The following GYG2 variants were observed in gnomAD, a reference collection of about 807,000 sequenced individuals.
GYG2 encodes glycogenin-2.
GYG2 carries 29 observed loss-of-function variants against 29.4 expected under a neutral mutation model. The observed-to-expected ratio is 0.99, with a 90% CI of 0.74 to 1.35. The LOEUF is 1.35. GYG2 is among the 40% of genes most tolerant of loss of function. GYG2 has a pLI of 0.00. For missense variants in GYG2, 370 were observed against 385.7 expected (o/e 0.96, Z 0.34); for synonymous variants, 167 against 172.3 (o/e 0.97, Z 0.24).
At chrX:2,861,762 C>T in intron 8 of GYG2, 40 bp downstream of exon 8, 1 of 1,033,010 alleles carries the variant, frequency 9.7e-7, no homozygotes, top group Non-Finnish European at 1.3e-6. Flanking sequence ...TAGTCAGACG[C>T]TGGCTCGCAG....
At position 2,859,896 on chromosome X, in the gene GYG2, A is replaced by T; in HGVS notation, c.668A>T (p.Asn223Ile). 2.5e-6 allele frequency: 3 copies of T among 1,206,154 alleles called. No homozygotes were observed. The highest frequency in any genetic ancestry group is 3.4e-6 in the Non-Finnish European group (3 of 890,957). Residue 223 changes from asparagine (N) to isoleucine (I), a missense_variant, in exon 7 of 11, where the codon AAC becomes ATC. Transcript: ENST00000398806. ...TTTTTGGGGTCCATGAAACCTTGGAACTACAAGTACAATCCACAGAGTGGC... is the reference window on the plus strand; with the variant it reads ...TTTTTGGGGTCCATGAAACCTTGGATCTACAAGTACAATCCACAGAGTGGC... ...VHFLGSMKPW[N>I]YKYNPQSGSV...
At chrX:2,834,734 C>T (rs748290980) in intron 2 of GYG2, among the ~76,000 whole-genome samples, 2 of 111,914 alleles carry the variant, frequency 1.8e-5, no homozygotes, top group African/African-American at 6.5e-5. Context: ...TGTCTTCTGC[C>T]TCCAGCTTCA....
At position 2,829,966 on chromosome X, in the gene GYG2, G is replaced by A; in HGVS notation, c.-128-95G>A. The A allele has an allele frequency of 1.2e-5, 5 of 417,101 alleles. No individual in the cohort carries two copies. The South Asian group carries it at 1.5e-4, about 12-fold the overall frequency. The allele number at this position is 417,101 out of a possible 1,213,427, so 34.4% of individuals were successfully genotyped here. A position where few individuals can be genotyped will look rare whatever the true frequency, so the allele number is the denominator to read the frequency against. On this transcript the variant is annotated intron_variant, in intron 1 of 10. Coordinates refer to ENST00000398806, the MANE Select transcript of GYG2 (RefSeq NM_001079855.2). ...GCATCGGGGGAGGCAGGGGCCCCGT[G>A]GGGCGCAGGTGACATGGAGTGGGTA... is the stretch of plus-strand genomic sequence containing the variant.
chrX:2,832,244 TC>T (rs1274255307), intron 2 of GYG2, among the ~76,000 whole-genome samples: 3 of 112,421 alleles, frequency 2.7e-5, no homozygotes, highest in African/African-American at 9.7e-5. Context: ...ACATTTTTGT[TC>T]CAAAGCAAAA....
At chrX:2,880,971 CTACACTGGA>C (rs773092854) in intron 10 of GYG2, 72 bp from the exon 11 acceptor site, 2 of 895,263 alleles carry the variant, frequency 2.2e-6, no homozygotes, top group Admixed American at 5.1e-5. Context: ...CTGCGGGACC[CTACACTGGA>C]TGGGTTTTAG....
chrX:2,877,933 G>A, intron 10 of GYG2: 1 of 749,228 alleles, frequency 1.3e-6, no homozygotes, highest in Non-Finnish European at 1.6e-6. Flanking sequence ...TTGAACGCAT[G>A]TTTAGAGTGT....
chrX:2,851,661 G>A (rs1238029188), intron 3 of GYG2, among the ~76,000 whole-genome samples: 1 of 112,232 alleles, frequency 8.9e-6, no homozygotes, highest in Non-Finnish European at 1.9e-5. Flanking sequence ...AGTGCATGAT[G>A]TCTGTATGTC....
chrX:2,875,629 GAGA>G (rs1350769014), intron 8 of GYG2, among the ~76,000 whole-genome samples, 178 bp from the exon 9 acceptor site: 1 of 109,195 alleles, frequency 9.2e-6, no homozygotes, highest in Non-Finnish European at 1.9e-5. Flanking sequence ...ACATTAGCCC[GAGA>G]AGAAGAAGAA....
In GYG2 at chrX:2,861,598, C is replaced by T. The variant is rs776930439; in HGVS notation, c.914C>T (p.Pro305Leu). 6 of 1,206,324 alleles carry T rather than the reference C, an allele frequency of 5.0e-6. No homozygotes were observed. The highest frequency in any genetic ancestry group is 6.7e-6 in the Non-Finnish European group (6 of 891,461). Residue 305 changes from proline to leucine, a missense_variant, in exon 8 of 11, where the codon CCC (proline) becomes CTC (leucine). By Grantham distance (98) the Pro-to-Leu change is moderately conservative. Coordinates refer to ENST00000398806, the MANE Select transcript of GYG2 (RefSeq NM_001079855.2). ...GVGEPCENST[P>L]SAGVPCANSP... Reference sequence around the variant, plus strand: ...GGAGAGCCGTGTGAAAATTCAACACCCAGTGCGGGCGTGCCGTGTGCAAAT... The same window carrying T: ...GGAGAGCCGTGTGAAAATTCAACACTCAGTGCGGGCGTGCCGTGTGCAAAT...
At chrX:2,869,444 G>A (rs186282195) in intron 8 of GYG2, among the ~76,000 whole-genome samples, 227 of 111,229 alleles carry the variant, frequency 2.0e-3, no homozygotes, top group Non-Finnish European at 3.6e-3. Flanking sequence ...AATGAGTCGT[G>A]CAACATCACT....
intron 6 of GYG2, among the ~76,000 whole-genome samples, chrX:2,858,240 C>G (rs752376197): frequency 2.5e-3 from 270 of 109,396 alleles, no homozygotes; most frequent in African/African-American, 8.4e-3. Flanking sequence ...GTGGGCGGAT[C>G]ACTTGAGCTC....
At chrX:2,869,081 A>G (rs1011207971) in intron 8 of GYG2, among the ~76,000 whole-genome samples, 6 of 110,575 alleles carry the variant, frequency 5.4e-5, no homozygotes, top group African/African-American at 1.6e-4. Context: ...CTCCGCATCT[A>G]TGGGTTCCAT....
chrX:2,870,144 G>C (rs746154747), intron 8 of GYG2, among the ~76,000 whole-genome samples: 2 of 108,223 alleles, frequency 1.8e-5, no homozygotes, highest in South Asian at 8.0e-4. Flanking sequence ...TCTTTTTGTA[G>C]TGCATCTTAT....
Position 2,881,472 on chromosome X carries a change from A to G in GYG2, c.*259A>G. The G allele has an allele frequency of 6.8e-6, 2 of 295,180 alleles. No individual in the cohort carries two copies. Among genetic ancestry groups the G allele is most frequent in the Non-Finnish European group, 1.2e-5 (2 of 170,059 alleles). 24.3% of individuals were successfully genotyped at this position (295,180 alleles called of 1,213,427 possible). On this transcript the variant is annotated 3_prime_UTR_variant, in exon 11 of 11. Coordinates refer to ENST00000398806, the MANE Select transcript of GYG2 (RefSeq NM_001079855.2). ...TTCTACCCTTGAAGCTGTCGGCAAA[A>G]GCGAGCAGTAATAACATTCTAGTAG... is the stretch of plus-strand genomic sequence containing the variant.
intron 10 of GYG2, chrX:2,877,993 A>T: frequency 1.3e-6 from 1 of 752,927 alleles, no homozygotes; most frequent in Non-Finnish European, 1.6e-6. Context: ...CCCTTGGAGA[A>T]AATGTGAACT....
In GYG2 at chrX:2,856,571, C is replaced by T; in HGVS notation, c.561C>T (p.Phe187=). 8.3e-6 allele frequency: 10 copies of T among 1,202,632 alleles called. No individual in the cohort carries two copies. Among genetic ancestry groups the T allele is most frequent in the Non-Finnish European group, 1.1e-5 (10 of 887,761 alleles). ...STTDIHKHLP[F]IYNLSSNTMY... The stretch of plus-strand genomic sequence containing the variant: ...CAGACATCCACAAGCACCTGCCGTT[C>T]ATCTATAACTTGAGTAGTAACACGA... The change falls in exon 6 of 11, where the codon TTC becomes TTT. Residue 187 remains phenylalanine, a synonymous_variant. Coordinates refer to ENST00000398806, the MANE Select transcript of GYG2 (RefSeq NM_001079855.2).
intron 8 of GYG2, among the ~76,000 whole-genome samples, chrX:2,864,142 C>T (rs930313116): frequency 9.8e-5 from 11 of 111,900 alleles, no homozygotes; most frequent in African/African-American, 2.3e-4. Flanking sequence ...TTATCGAATG[C>T]TTCGAAAACA....
chrX:2,855,759 C>G (rs753962419), intron 5 of GYG2, among the ~76,000 whole-genome samples: 5 of 111,222 alleles, frequency 4.5e-5, no homozygotes, highest in African/African-American at 1.6e-4. Context: ...GACCCCATCT[C>G]TACAAAAAAT....
At chrX:2,868,540 A>C (rs1388118002) in intron 8 of GYG2, among the ~76,000 whole-genome samples, 3 of 106,805 alleles carry the variant, frequency 2.8e-5, no homozygotes, top group Non-Finnish European at 5.8e-5. Context: ...TATTCTCCCC[A>C]CCTCTCCATC....
Sources: allele counts gnomAD v4.1 joint callset (sites outside exome capture counted in the v4.1 genomes callset), GRCh38; gene constraint gnomAD v4.1.1; transcripts MANE v1.5; gene names NCBI Gene and HGNC (gene_info 2026-07-23, HGNC 2026-07-21).